NRXN1: variants seen among roughly 807,000 people sequenced by gnomAD.
The protein encoded by NRXN1 is neurexin 1.
Under a neutral mutation model 150.9 loss-of-function variants are expected in NRXN1, and 39 were observed. That is an observed-to-expected ratio of 0.26 (90% CI 0.20 to 0.34). NRXN1 has a LOEUF of 0.34. Among genes scored for constraint, NRXN1 ranks in the 10% least tolerant of loss-of-function variants. NRXN1 has a pLI of 1.00. For missense variants in NRXN1, 1,815 were observed against 1,949.9 expected, an observed-to-expected ratio of 0.93 and a Z score of 1.30; for synonymous variants, 924 against 757.0, an observed-to-expected ratio of 1.22 and a Z score of -3.62.
In NRXN1 at chr2:50,347,109, C is replaced by A; in HGVS notation, c.3365-110139G>T. On this transcript the variant is annotated intron_variant, in intron 17 of 22. Coordinates refer to ENST00000401669, the MANE Select transcript of NRXN1 (RefSeq NM_001330078.2). The surrounding 1 kb of genome is among the most constrained non-coding windows in gnomAD (Gnocchi z 4.9). ...CTCTCCCTCCTTCGGACAGTCTTCT[C>A]GGGGTCCTGGAGTCCGCCGTGCCTA... 1 of 1,386,450 alleles carries A rather than the reference C, an allele frequency of 7.2e-7. No homozygotes were observed. Among genetic ancestry groups the A allele is most frequent in the South Asian group, 1.2e-5 (1 of 81,900 alleles). 85.9% of individuals were successfully genotyped at this position (1,386,450 alleles called of 1,614,324 possible). A position where few individuals can be genotyped will look rare whatever the true frequency, so the allele number is the denominator to read the frequency against.
At chr2:50,485,158 G>A (rs768182284) in intron 15 of NRXN1, among the ~76,000 whole-genome samples, 12 of 152,134 alleles carry the variant, frequency 7.9e-5, no homozygotes, top group East Asian at 1.9e-4. Flanking sequence ...TTCAGAGACC[G>A]TATGTGTAAA....
intron 17 of NRXN1, among the ~76,000 whole-genome samples, chr2:50,434,692 A>G (rs569993625): frequency 6.6e-6 from 1 of 152,158 alleles, no homozygotes; most frequent in Non-Finnish European, 1.5e-5. Flanking sequence ...TTCTTTGTTC[A>G]CTTTTTGAAT....
At chr2:50,307,931 T>C (rs549652767) in intron 17 of NRXN1, among the ~76,000 whole-genome samples, 1 of 152,356 alleles carries the variant, frequency 6.6e-6, no homozygotes, top group African/African-American at 2.4e-5. Flanking sequence ...TGGAGTTTTA[T>C]GAGCACTGTA....
chr2:50,347,746 A>C lies in NRXN1; in HGVS notation c.3365-110776T>G, dbSNP rs1018441914. The C allele has an allele frequency of 1.0e-6, 1 of 986,218 alleles. No individual in the cohort carries two copies. The highest frequency in any genetic ancestry group is 1.7e-5 in the African/African-American group (1 of 57,244). The allele number at this position is 986,218 out of a possible 1,614,324, so 61.1% of individuals were successfully genotyped here. On this transcript the variant is annotated intron_variant, in intron 17 of 22. Coordinates refer to ENST00000401669, the MANE Select transcript of NRXN1 (RefSeq NM_001330078.2). The surrounding 1 kb of genome is among the most constrained non-coding windows in gnomAD (Gnocchi z 4.9). The stretch of plus-strand genomic sequence containing the variant: ...AGAGAAACAGAAAAAGAAAAAGAAA[A>C]AGAAAAAAAGAAAAGAAAAACCACA...
chr2:50,446,967 T>G (rs184138368), intron 17 of NRXN1, among the ~76,000 whole-genome samples: 51 of 152,222 alleles, frequency 3.4e-4, no homozygotes, highest in Non-Finnish European at 5.9e-4. Flanking sequence ...ACCATGCAAT[T>G]CAGGTAATGC....
intron 17 of NRXN1, among the ~76,000 whole-genome samples, chr2:50,423,868 C>A (rs1403610271): frequency 6.6e-6 from 1 of 152,134 alleles, no homozygotes; most frequent in Non-Finnish European, 1.5e-5. Context: ...AGGGAGCCAG[C>A]CAGACCAGCA....
intron 8 of NRXN1, among the ~76,000 whole-genome samples, chr2:50,605,811 T>A (rs1040307176): frequency 6.6e-6 from 1 of 151,124 alleles, no homozygotes; most frequent in African/African-American, 2.4e-5. Flanking sequence ...AAAAAAAAAA[T>A]GAAGTCAGAA....
chr2:50,680,028 G>A (rs1480228150), intron 5 of NRXN1, among the ~76,000 whole-genome samples: 2 of 151,852 alleles, frequency 1.3e-5, no homozygotes, highest in East Asian at 1.9e-4. Context: ...GCTTGGTGGG[G>A]GTTGGGGTGG....
intron 5 of NRXN1, among the ~76,000 whole-genome samples, chr2:50,780,888 C>T (rs1180930585): frequency 6.6e-6 from 1 of 152,034 alleles, no homozygotes; most frequent in Non-Finnish European, 1.5e-5. Flanking sequence ...TAATTGTAAC[C>T]TCCTATGCAT....
intron 5 of NRXN1, among the ~76,000 whole-genome samples, chr2:50,634,331 T>G (rs537395624): frequency 5.4e-4 from 82 of 152,334 alleles, no homozygotes; most frequent in African/African-American, 1.9e-3. Context: ...AAATTATACA[T>G]ATCTGGGTTC....
intron 5 of NRXN1, among the ~76,000 whole-genome samples, chr2:50,724,636 C>T (rs759421620): frequency 4.6e-5 from 7 of 152,024 alleles, no homozygotes; most frequent in Non-Finnish European, 1.0e-4. Flanking sequence ...ACATTTTTAA[C>T]TTGGCTGGGA....
intron 5 of NRXN1, among the ~76,000 whole-genome samples, chr2:50,680,518 G>C (rs1030722306): frequency 1.3e-4 from 20 of 152,068 alleles, no homozygotes; most frequent in African/African-American, 4.8e-4. Context: ...TTGATACAAA[G>C]TCAAACATAT....
chr2:50,266,227 G>A (rs1232808815), intron 17 of NRXN1, among the ~76,000 whole-genome samples: 5 of 149,430 alleles, frequency 3.3e-5, no homozygotes, highest in Non-Finnish European at 5.9e-5. Flanking sequence ...TTGAACGCCT[G>A]ACCTAAGGTG....
At chr2:50,332,941 A>G (rs1289901068) in intron 17 of NRXN1, among the ~76,000 whole-genome samples, 1 of 152,220 alleles carries the variant, frequency 6.6e-6, no homozygotes, top group Non-Finnish European at 1.5e-5. Flanking sequence ...AAACCATCAC[A>G]CTAACAAAAT....
chr2:50,332,316 A>G (rs368574950), intron 17 of NRXN1, among the ~76,000 whole-genome samples: 1 of 152,218 alleles, frequency 6.6e-6, no homozygotes, highest in Non-Finnish European at 1.5e-5. Context: ...TTGAGTATCT[A>G]TGAAAATTTA....
chr2:50,992,842 G>A (rs753492525), intron 2 of NRXN1, among the ~76,000 whole-genome samples: 3 of 151,936 alleles, frequency 2.0e-5, no homozygotes, highest in Non-Finnish European at 4.4e-5. Context: ...ATTATTGGTA[G>A]AGACTGATGG....
chr2:50,947,562 C>A (rs1422109400), intron 2 of NRXN1, among the ~76,000 whole-genome samples: 1 of 151,766 alleles, frequency 6.6e-6, no homozygotes, highest in South Asian at 2.1e-4. Flanking sequence ...ATTCATGATA[C>A]ACAGACACTA....
chr2:50,221,977 C>G (rs1006846502), intron 18 of NRXN1, among the ~76,000 whole-genome samples: 1 of 151,942 alleles, frequency 6.6e-6, no homozygotes, highest in Non-Finnish European at 1.5e-5. Flanking sequence ...CATTTAAAAG[C>G]CTGTCACGTT....
At position 50,522,719 on chromosome 2, in the gene NRXN1, CATTTTTTTTTTT is replaced by C. The variant is rs1458359341; in HGVS notation, c.2374+5894_2374+5905del. 6.2e-3 allele frequency among the ~76,000 whole-genome samples: 537 copies of C among 86,536 alleles called. 17 individuals carry two copies. The highest frequency in any genetic ancestry group is 0.018 in the Middle Eastern group (2 of 110). 56.8% of individuals were successfully genotyped at this position (86,536 alleles called of 152,430 possible). A position where few individuals can be genotyped will look rare whatever the true frequency, so the allele number is the denominator to read the frequency against. On this transcript the variant is annotated intron_variant, in intron 12 of 22. Coordinates refer to ENST00000401669, the MANE Select transcript of NRXN1 (RefSeq NM_001330078.2). ...TTCCATTTATTCATTTATTTTTATT[CATTTTTTTTTTT>C]TTTTTTTTTTTTTTTTTTTGAGAGG...
Sources: allele counts gnomAD v4.1 joint callset (sites outside exome capture counted in the v4.1 genomes callset), GRCh38; gene constraint gnomAD v4.1.1; non-coding constraint Gnocchi (gnomAD v3.1); transcripts MANE v1.5; gene names NCBI Gene and HGNC (gene_info 2026-07-23, HGNC 2026-07-21).